The following CEMIP variants were observed in gnomAD, a reference collection of about 807,000 sequenced individuals.
CEMIP encodes cell migration-inducing and hyaluronan-binding protein.
CEMIP carries 105 observed loss-of-function variants against 156.9 expected under a neutral mutation model. That is an observed-to-expected ratio of 0.67 (90% CI 0.57 to 0.79). The LOEUF is 0.79. Among genes scored for constraint, CEMIP ranks in the 30% least tolerant of loss-of-function variants. The pLI is 0.00. For synonymous variants in CEMIP, 676 were observed against 668.4 expected (o/e 1.01, Z -0.17); for missense variants, 1,457 against 1,769.4 (o/e 0.82, Z 3.17).
Position 80,895,120 on chromosome 15 carries a change from C to G in CEMIP, c.1217C>G (p.Pro406Arg), listed in dbSNP as rs1194896351. 1.9e-6 allele frequency: 3 copies of G among 1,614,090 alleles called. No individual in the cohort carries two copies. Among genetic ancestry groups the G allele is most frequent in the South Asian group, 1.1e-5 (1 of 91,086 alleles). The change falls in exon 11 of 30, where the codon CCT (proline) becomes CGT (arginine). Residue 406 changes from proline to arginine, a missense_variant and splice_region_variant. Pro to Arg is a moderately radical substitution (Grantham distance 103, BLOSUM62 -2). Around this residue, in one of 5 missense-constraint regions of CEMIP, gnomAD observed 280 missense variants for 300.3 expected, o/e 0.93. Coordinates refer to ENST00000394685, the MANE Select transcript of CEMIP (RefSeq NM_001293298.2). ...SYRVRFLCGK[P>R]VRPKLTVTID... Reference sequence around the variant, plus strand: ...CGTGTACGGTTCCTCTGTGGGAAGCCTGGTAAGCAGCCCCTTGTCGGGGAC... The same window carrying G: ...CGTGTACGGTTCCTCTGTGGGAAGCGTGGTAAGCAGCCCCTTGTCGGGGAC...
At position 80,866,821 on chromosome 15, in the gene CEMIP, G is replaced by T. The variant is rs188825388; in HGVS notation, c.-175-6717G>T. Reference sequence around the variant, plus strand: ...AAAAAGACTCTATGGATACATAAAAGGTACCCAAGGCATGTGTTTACTATC... The same window carrying T: ...AAAAAGACTCTATGGATACATAAAATGTACCCAAGGCATGTGTTTACTATC... On this transcript the variant is annotated intron_variant, in intron 1 of 29. Transcript: ENST00000394685. Among the ~76,000 whole-genome samples the T allele has an allele frequency of 1.3e-4, 20 of 149,114 alleles. No individual in the cohort carries two copies. The East Asian group carries it at 3.9e-3, about 29-fold the overall frequency.
intron 1 of CEMIP, among the ~76,000 whole-genome samples, chr15:80,824,212 G>T (rs553113595): frequency 6.6e-6 from 1 of 152,324 alleles, no homozygotes; most frequent in South Asian, 2.1e-4. Context: ...TTGAAAAGGG[G>T]AAGTGAGGGA....
chr15:80,880,984 A>G lies in CEMIP; in HGVS notation c.465A>G (p.Gly155=). 1 of 1,614,194 alleles carries G rather than the reference A, an allele frequency of 6.2e-7. No individual in the cohort carries two copies. Among genetic ancestry groups the G allele is most frequent in the Non-Finnish European group, 8.5e-7 (1 of 1,180,032 alleles). Residue 155 remains glycine, a synonymous_variant, in exon 6 of 30, where the codon GGA becomes GGG. Coordinates refer to ENST00000394685, the MANE Select transcript of CEMIP (RefSeq NM_001293298.2). ...VGKGGALELH[G]QKKLSWTFLN... ...AAGGAGGCGCTCTTGAGTTGCATGGACAGAAAAAGCTCTCCTGGACATTTC... is the reference window on the plus strand; with the variant it reads ...AAGGAGGCGCTCTTGAGTTGCATGGGCAGAAAAAGCTCTCCTGGACATTTC...
chr15:80,925,237 A>G (rs79422455), intron 18 of CEMIP, among the ~76,000 whole-genome samples: 9,243 of 152,322 alleles, frequency 0.061, 383 homozygotes, highest in Non-Finnish European at 0.089. Flanking sequence ...GTAGCTAAGA[A>G]GTGCTCAGAA....
intron 1 of CEMIP, among the ~76,000 whole-genome samples, chr15:80,811,446 A>G (rs73497055): frequency 0.021 from 3,217 of 152,338 alleles, 95 homozygotes; most frequent in African/African-American, 0.071. Context: ...TCTTCTGGAC[A>G]TGGTCAAGTG....
intron 12 of CEMIP, among the ~76,000 whole-genome samples, chr15:80,900,602 G>GTC (rs1899451203): frequency 7.5e-6 from 1 of 132,920 alleles, no homozygotes; most frequent in African/African-American, 2.9e-5. Context: ...GTGTGTGTGT[G>GTC]TGTGTGTGTG....
intron 25 of CEMIP, 139 bp downstream of exon 25, chr15:80,938,118 G>T: frequency 1.4e-6 from 1 of 725,780 alleles, no homozygotes; most frequent in South Asian, 1.5e-5. Flanking sequence ...TGACTCTAAG[G>T]CTGACTGTCC....
At chr15:80,870,147 G>C (rs1252477514) in intron 1 of CEMIP, among the ~76,000 whole-genome samples, 2 of 152,202 alleles carry the variant, frequency 1.3e-5, no homozygotes, top group African/African-American at 4.8e-5. Flanking sequence ...AGACTCTGGA[G>C]CCCATGCTCC....
At chr15:80,943,384 C>A (rs1166955405) in intron 28 of CEMIP, among the ~76,000 whole-genome samples, 1 of 152,238 alleles carries the variant, frequency 6.6e-6, no homozygotes, top group Non-Finnish European at 1.5e-5. Flanking sequence ...ACACTCCCAG[C>A]ATGATCTCAT....
chr15:80,942,166 C>T (rs781773561), intron 26 of CEMIP, 85 bp from the exon 27 acceptor site: 6 of 1,495,886 alleles, frequency 4.0e-6, no homozygotes, highest in Non-Finnish European at 5.6e-6. Context: ...CTCCATAAAC[C>T]ATTTCCTGTG....
intron 19 of CEMIP, among the ~76,000 whole-genome samples, chr15:80,926,916 T>C (rs1374990703): frequency 6.7e-6 from 1 of 149,954 alleles, no homozygotes; most frequent in African/African-American, 2.5e-5. Flanking sequence ...CTGCAACCTC[T>C]GCTTCCTGGG....
intron 29 of CEMIP, 50 bp from the exon 30 acceptor site, chr15:80,948,747 G>A (rs1245606902): frequency 2.5e-6 from 4 of 1,612,842 alleles, no homozygotes; most frequent in Admixed American, 3.3e-5. Flanking sequence ...GGGTGGGGCA[G>A]CCGTCCTCTC....
rs74484424 is a variant in CEMIP at position 80,863,953 on chromosome 15, C to A, written c.-175-9585C>A. Among the ~76,000 whole-genome samples, 425 of 152,222 alleles carry A rather than the reference C, an allele frequency of 2.8e-3. 3 individuals carry two copies. Among genetic ancestry groups the A allele is most frequent in the African/African-American group, 9.7e-3 (404 of 41,524 alleles). On this transcript the variant is annotated intron_variant, in intron 1 of 29. Coordinates refer to ENST00000394685, the MANE Select transcript of CEMIP (RefSeq NM_001293298.2). ...AGTCCTCTCCTTTGCCTTCCTCTCC[C>A]CTCCCCTCTCTTCTCCCTTTCCCTT... is the stretch of plus-strand genomic sequence containing the variant.
At chr15:80,781,561 A>T (rs1192749257) in intron 1 of CEMIP, among the ~76,000 whole-genome samples, 1 of 152,168 alleles carries the variant, frequency 6.6e-6, no homozygotes, top group Admixed American at 6.5e-5. Flanking sequence ...TGAAGTGTGT[A>T]TCTTCCTTTA....
chr15:80,941,032 A>G (rs1211482560), intron 25 of CEMIP, among the ~76,000 whole-genome samples: 1 of 152,148 alleles, frequency 6.6e-6, no homozygotes, highest in African/African-American at 2.4e-5. Context: ...TGGTTGGCCA[A>G]TCCATGGCCC....
At chr15:80,890,690 T>C (rs369099149) in intron 10 of CEMIP, among the ~76,000 whole-genome samples, 2 of 152,188 alleles carry the variant, frequency 1.3e-5, no homozygotes, top group East Asian at 3.8e-4. Context: ...TACAACACTT[T>C]TTCCTAGAAT....
Position 80,899,800 on chromosome 15 carries a change from T to C in CEMIP, c.1411+3740T>C, listed in dbSNP as rs192990493. Among the ~76,000 whole-genome samples the C allele has an allele frequency of 1.7e-3, 256 of 152,318 alleles. 2 individuals carry two copies. Among genetic ancestry groups the C allele is most frequent in the African/African-American group, 5.5e-3 (230 of 41,570 alleles). Reference sequence around the variant, plus strand: ...GAGGGAGCCAAGAAAAGCAAGTTCCTAATGATTGTTAAACCCTTGGGTCTT... The same window carrying C: ...GAGGGAGCCAAGAAAAGCAAGTTCCCAATGATTGTTAAACCCTTGGGTCTT... On this transcript the variant is annotated intron_variant, in intron 12 of 29. Transcript: ENST00000394685.
chr15:80,926,815 C>CG, intron 19 of CEMIP, among the ~76,000 whole-genome samples: 2 of 8,442 alleles, frequency 2.4e-4, no homozygotes, highest in South Asian at 3.9e-3. Context: ...AGAGACTGAG[C>CG]GGGTGGGGGG....
At chr15:80,889,992 T>G (rs751291408) in intron 10 of CEMIP, among the ~76,000 whole-genome samples, 1 of 152,242 alleles carries the variant, frequency 6.6e-6, no homozygotes, top group Non-Finnish European at 1.5e-5. Context: ...ACGCATGGCC[T>G]TGTTCTCAAT....
Sources: gnomAD v4.1 joint callset for allele counts (sites outside exome capture counted in the v4.1 genomes callset) on GRCh38, gnomAD v4.1.1 for gene constraint, gnomAD v4.1.1 regional missense constraint, MANE v1.5 for transcripts, NCBI Gene and HGNC (gene_info 2026-07-23, HGNC 2026-07-21) for gene names.